Variants in HTR1F observed in about 807,000 individuals in gnomAD.
The protein encoded by HTR1F is 5-hydroxytryptamine receptor 1F.
Under a neutral mutation model 24.0 loss-of-function variants are expected in HTR1F, and 17 were observed. That is an observed-to-expected ratio of 0.71 (90% CI 0.48 to 1.06). The LOEUF (loss-of-function observed/expected upper bound fraction) is 1.06, where lower values mean the gene tolerates loss of function less well. Ranked by LOEUF, HTR1F falls within the 50% of genes least tolerant of loss-of-function variation. The pLI is 0.00. For missense variants in HTR1F, 391 were observed against 427.8 expected, an observed-to-expected ratio of 0.91 and a Z score of 0.76; for synonymous variants, 186 against 156.8, an observed-to-expected ratio of 1.19 and a Z score of -1.39.
intron 1 of HTR1F, among the ~76,000 whole-genome samples, chr3:87,812,277 G>T (rs899139559): frequency 3.3e-5 from 5 of 152,176 alleles, no homozygotes; most frequent in Admixed American, 6.6e-5. Context: ...ATCTTCCTAG[G>T]ATTATTTAAT....
At chr3:87,888,944 C>A (rs1484225238) in intron 2 of HTR1F, among the ~76,000 whole-genome samples, 4 of 152,042 alleles carry the variant, frequency 2.6e-5, no homozygotes, top group African/African-American at 9.7e-5. Flanking sequence ...AAATCTGATC[C>A]CCATTGTTGG....
At chr3:87,876,795 T>G (rs375788030) in intron 2 of HTR1F, among the ~76,000 whole-genome samples, 5 of 152,138 alleles carry the variant, frequency 3.3e-5, no homozygotes, top group African/African-American at 1.2e-4. Flanking sequence ...CCTATGTCTA[T>G]CCTAGATTCT....
At chr3:87,911,799 GAATTA>G (rs760009274) in intron 2 of HTR1F, among the ~76,000 whole-genome samples, 1 of 152,056 alleles carries the variant, frequency 6.6e-6, no homozygotes, top group Non-Finnish European at 1.5e-5. Flanking sequence ...CACATAAACA[GAATTA>G]AAGATGAAAA....
intron 2 of HTR1F, among the ~76,000 whole-genome samples, chr3:87,912,194 G>T (rs1194646260): frequency 6.7e-6 from 1 of 149,790 alleles, no homozygotes; most frequent in Non-Finnish European, 1.5e-5. Context: ...AGCTCCTTAA[G>T]ATAACAAAAA....
intron 1 of HTR1F, among the ~76,000 whole-genome samples, chr3:87,809,701 C>T (rs1704129409): frequency 6.6e-6 from 1 of 152,086 alleles, no homozygotes; most frequent in Admixed American, 6.5e-5. Context: ...TGTCTATCTT[C>T]CATTGGACTT....
At chr3:87,884,700 G>A (rs140563757) in intron 2 of HTR1F, among the ~76,000 whole-genome samples, 3 of 151,996 alleles carry the variant, frequency 2.0e-5, no homozygotes, top group South Asian at 2.1e-4. Context: ...GATTGCAATC[G>A]TAGTCTGATA....
At chr3:87,795,196 G>T (rs914285313) in intron 1 of HTR1F, among the ~76,000 whole-genome samples, 1 of 152,014 alleles carries the variant, frequency 6.6e-6, no homozygotes, top group Admixed American at 6.5e-5. Flanking sequence ...ATGTTGGCCA[G>T]GATGGTCTCG....
At chr3:87,972,936 C>T (rs1002401183) in intron 2 of HTR1F, among the ~76,000 whole-genome samples, 5 of 151,032 alleles carry the variant, frequency 3.3e-5, no homozygotes, top group South Asian at 2.1e-4. Context: ...TTTGGGAGGC[C>T]GAGGCAGGTG....
intron 2 of HTR1F, among the ~76,000 whole-genome samples, chr3:87,872,503 A>G (rs959602186): frequency 6.6e-6 from 1 of 152,032 alleles, no homozygotes; most frequent in Non-Finnish European, 1.5e-5. Context: ...TCTTGAAAAG[A>G]TCAATATATT....
At chr3:87,918,045 G>A (rs1703933982) in intron 2 of HTR1F, among the ~76,000 whole-genome samples, 1 of 151,964 alleles carries the variant, frequency 6.6e-6, no homozygotes, top group Non-Finnish European at 1.5e-5. Context: ...TTTATACAGG[G>A]ATGAAAGGAT....
intron 2 of HTR1F, among the ~76,000 whole-genome samples, chr3:87,900,481 G>A (rs572219398): frequency 3.9e-5 from 6 of 152,300 alleles, no homozygotes; most frequent in African/African-American, 7.2e-5. Context: ...TGGAGGATCT[G>A]AAGCAATGGA....
chr3:87,987,933 A>G (rs925378560), intron 2 of HTR1F, among the ~76,000 whole-genome samples: 1 of 150,856 alleles, frequency 6.6e-6, no homozygotes, highest in African/African-American at 2.4e-5. Flanking sequence ...GAGACACTGA[A>G]AAAATTGTAT....
chr3:87,935,131 G>C (rs1704380160), intron 2 of HTR1F, among the ~76,000 whole-genome samples: 1 of 152,194 alleles, frequency 6.6e-6, no homozygotes, highest in African/African-American at 2.4e-5. Context: ...GCCTCCCAAA[G>C]TGCTGGGATT....
intron 2 of HTR1F, among the ~76,000 whole-genome samples, chr3:87,824,676 G>A (rs938302543): frequency 3.9e-5 from 6 of 152,148 alleles, no homozygotes; most frequent in African/African-American, 1.4e-4. Context: ...ATTGACAGCT[G>A]CACATAACCA....
chr3:87,934,036 A>C (rs1704351891), intron 2 of HTR1F, among the ~76,000 whole-genome samples: 1 of 152,078 alleles, frequency 6.6e-6, no homozygotes, highest in Non-Finnish European at 1.5e-5. Flanking sequence ...GCTGTATGTC[A>C]CTTCATAATA....
At chr3:87,945,972 GGC>G (rs1278440641) in intron 2 of HTR1F, among the ~76,000 whole-genome samples, 15 of 152,068 alleles carry the variant, frequency 9.9e-5, no homozygotes, top group African/African-American at 3.4e-4. Flanking sequence ...TTGGGTTCTT[GGC>G]CTCACGGATT....
Position 87,991,499 on chromosome 3 carries a change from T to A in HTR1F, c.750T>A (p.Ser250=), listed in dbSNP as rs1304580743. 1 of 1,614,134 alleles carries A rather than the reference T, an allele frequency of 6.2e-7. No individual in the cohort carries two copies. Among genetic ancestry groups the A allele is most frequent in the South Asian group, 1.1e-5 (1 of 91,088 alleles). ...SVSTSYVLEK[S]LSDPSTDFDK... ...CCACATCCTATGTACTAGAAAAGTC[T>A]TTATCTGACCCATCAACAGACTTTG... Residue 250 remains serine, a synonymous_variant, in exon 3 of 3, where the codon TCT becomes TCA. Coordinates refer to ENST00000319595, the MANE Select transcript of HTR1F (RefSeq NM_001322209.2).
chr3:87,814,872 T>A (rs1478339903), intron 1 of HTR1F, among the ~76,000 whole-genome samples: 4 of 152,148 alleles, frequency 2.6e-5, no homozygotes, highest in Non-Finnish European at 5.9e-5. Context: ...ACATAGCTAC[T>A]TGAAAATTAC....
chr3:87,931,902 T>C (rs1704283158), intron 2 of HTR1F, among the ~76,000 whole-genome samples: 1 of 151,808 alleles, frequency 6.6e-6, no homozygotes, highest in Non-Finnish European at 1.5e-5. Flanking sequence ...GTTGTTTTTT[T>C]CTTGTAAATT....
Sources: allele counts gnomAD v4.1 joint callset (sites outside exome capture counted in the v4.1 genomes callset), GRCh38; gene constraint gnomAD v4.1.1; transcripts MANE v1.5; gene names NCBI Gene and HGNC (gene_info 2026-07-23, HGNC 2026-07-21).